Variants in LPGAT1 observed in about 807,000 individuals in gnomAD.
LPGAT1 encodes the protein acyl-CoA:lysophosphatidylglycerol acyltransferase 1.
A neutral mutation model predicts 47.5 loss-of-function variants in LPGAT1; 11 were observed. The ratio of observed to expected loss-of-function variants is 0.23; its 90% CI spans 0.15 to 0.38. The LOEUF (loss-of-function observed/expected upper bound fraction) is 0.38, where lower values mean the gene tolerates loss of function less well. Among genes scored for constraint, LPGAT1 ranks in the 10% least tolerant of loss-of-function variants. The pLI, the probability that LPGAT1 is intolerant of heterozygous loss-of-function variation, is 1.00. For synonymous variants in LPGAT1, 138 were observed against 144.2 expected, an observed-to-expected ratio of 0.96 and a Z score of 0.31; for missense variants, 293 against 439.0, an observed-to-expected ratio of 0.67 and a Z score of 2.97.
rs1331290317 is a variant in LPGAT1, at chr1:211,745,437, T to G, written c.*4462A>C. ...ATAGACTCCTTACACGTAAAGAATT[T>G]GTGCATCACAGTCATGTGTTCAACA... On this transcript the variant is annotated 3_prime_UTR_variant, in exon 8 of 8. Transcript: ENST00000366997. 1 of 152,232 alleles carries G rather than the reference T, an allele frequency of 6.6e-6. No individual in the cohort carries two copies. Among genetic ancestry groups the G allele is most frequent in the Non-Finnish European group, 1.5e-5 (1 of 68,032 alleles). 9.4% of individuals were successfully genotyped at this position (152,232 alleles called of 1,614,324 possible).
At chr1:211,819,613 G>C (rs1660296290) in intron 2 of LPGAT1, among the ~76,000 whole-genome samples, 2 of 152,188 alleles carry the variant, frequency 1.3e-5, no homozygotes. Flanking sequence ...GCAGCTTATA[G>C]GGCAAGACAG....
intron 6 of LPGAT1, among the ~76,000 whole-genome samples, chr1:211,754,168 A>T (rs1025143054): frequency 6.6e-5 from 10 of 152,108 alleles, no homozygotes. Flanking sequence ...TAAGCCTCCA[A>T]TGTTTGCCAG....
chr1:211,774,130 G>GTTTTTTTTTTTT (rs1158580879), intron 6 of LPGAT1, among the ~76,000 whole-genome samples: 19 of 14,648 alleles, frequency 1.3e-3, no homozygotes, highest in Admixed American at 2.6e-3. Context: ...TTTTTTAAAA[G>GTTTTTTTTTTTT]TCTTTTTTTT....
chr1:211,829,542 A>G (rs1660653192), intron 1 of LPGAT1: 2 of 1,396,102 alleles, frequency 1.4e-6, no homozygotes, highest in Non-Finnish European at 1.9e-6. Flanking sequence ...CCGAGGCACG[A>G]AGTATGTCAC....
At position 211,756,292 on chromosome 1, in the gene LPGAT1, T is replaced by C. The variant is rs559982371; in HGVS notation, c.855-5225A>G. ...CCTATCATCCCTTATTATTACAACT[T>C]GAATTTACCATTGTTCTGAATAAGC... On this transcript the variant is annotated intron_variant, in intron 6 of 7. Transcript: ENST00000366997. Among the ~76,000 whole-genome samples the C allele has an allele frequency of 8.5e-5, 13 of 152,242 alleles. No homozygotes were observed. The South Asian group carries it at 1.5e-3, about 17-fold the overall frequency.
At chr1:211,814,159 C>T (rs1660092487) in intron 2 of LPGAT1, among the ~76,000 whole-genome samples, 1 of 152,184 alleles carries the variant, frequency 6.6e-6, no homozygotes, top group Non-Finnish European at 1.5e-5. Flanking sequence ...TTACAAGACA[C>T]ATTATTTATT....
chr1:211,774,132 C>CTGTTTTTTTTTTTTT (rs1658289818), intron 6 of LPGAT1, among the ~76,000 whole-genome samples: 2 of 66,818 alleles, frequency 3.0e-5, no homozygotes, highest in East Asian at 6.2e-4. Flanking sequence ...TTTTAAAAGT[C>CTGTTTTTTTTTTTTT]TTTTTTTTTT....
chr1:211,830,368 C>G lies in LPGAT1; in HGVS notation c.-28+205G>C, dbSNP rs953744830. The G allele has an allele frequency of 8.6e-6, 10 of 1,161,790 alleles. No individual in the cohort carries two copies. The highest frequency in any genetic ancestry group is 3.2e-5 in the African/African-American group (2 of 61,766). 72.0% of individuals were successfully genotyped at this position (1,161,790 alleles called of 1,614,324 possible). On this transcript the variant is annotated intron_variant, in intron 1 of 7. Coordinates refer to ENST00000366997, the MANE Select transcript of LPGAT1 (RefSeq NM_014873.3). The surrounding 1 kb of genome is among the most constrained non-coding windows in gnomAD (Gnocchi z 5.9). Reference sequence around the variant, plus strand: ...GGACGGCGGGGACTCAGAGGCCGGACCTGTCACCCGGGCGGGTCCCGGGGA... The same window carrying G: ...GGACGGCGGGGACTCAGAGGCCGGAGCTGTCACCCGGGCGGGTCCCGGGGA...
chr1:211,750,303 T>C (rs955359130), intron 7 of LPGAT1, among the ~76,000 whole-genome samples: 1 of 152,226 alleles, frequency 6.6e-6, no homozygotes, highest in East Asian at 1.9e-4. Context: ...CTCATGTGCA[T>C]CCTTTCCATA....
intron 6 of LPGAT1, among the ~76,000 whole-genome samples, chr1:211,762,059 G>A (rs555097030): frequency 1.3e-4 from 20 of 152,310 alleles, no homozygotes; most frequent in African/African-American, 4.8e-4. Context: ...CTTGCAGTAT[G>A]TAATTACTTT....
chr1:211,769,464 T>G (rs1658072517), intron 6 of LPGAT1, among the ~76,000 whole-genome samples: 1 of 152,142 alleles, frequency 6.6e-6, no homozygotes. Context: ...AAAGGGGTCC[T>G]GATCCAGCCC....
At chr1:211,813,734 G>A (rs1462536692) in intron 2 of LPGAT1, among the ~76,000 whole-genome samples, 1 of 152,202 alleles carries the variant, frequency 6.6e-6, no homozygotes, top group Non-Finnish European at 1.5e-5. Context: ...GATTGCAAAT[G>A]TTCATCTGTA....
chr1:211,826,066 T>TA (rs1399286103), intron 2 of LPGAT1, among the ~76,000 whole-genome samples: 1 of 152,120 alleles, frequency 6.6e-6, no homozygotes, highest in Non-Finnish European at 1.5e-5. Flanking sequence ...ATGTGTAACT[T>TA]AAAGTCAGAA....
At chr1:211,828,282 A>T (rs2102615171) in intron 2 of LPGAT1, among the ~76,000 whole-genome samples, 1 of 152,368 alleles carries the variant, frequency 6.6e-6, no homozygotes, top group Middle Eastern at 3.4e-3. Flanking sequence ...GAAAAAAATC[A>T]AATAAATACA....
chr1:211,793,005 C>T (rs1045282735), intron 3 of LPGAT1, 67 bp downstream of exon 3: 15 of 1,116,912 alleles, frequency 1.3e-5, no homozygotes, highest in South Asian at 7.4e-5. Flanking sequence ...CCACCATGCC[C>T]GGCCAAATGG....
chr1:211,811,705 C>G (rs1553312898), intron 2 of LPGAT1, among the ~76,000 whole-genome samples: 1 of 151,698 alleles, frequency 6.6e-6, no homozygotes, highest in Non-Finnish European at 1.5e-5. Context: ...TGCAGTGTGC[C>G]AAGATCCTGC....
chr1:211,759,296 C>G (rs1657590697), intron 6 of LPGAT1, among the ~76,000 whole-genome samples: 1 of 148,988 alleles, frequency 6.7e-6, no homozygotes, highest in Non-Finnish European at 1.5e-5. Flanking sequence ...CGGGGTCTTG[C>G]TGTTGTTGCC....
In LPGAT1 at chr1:211,794,229, CA is replaced by C. The variant is rs562944731; in HGVS notation, c.239-1040del. On this transcript the variant is annotated intron_variant, in intron 2 of 7. Transcript: ENST00000366997. ...GTTATCAGATGAAAAGTCACTGCGC[CA>C]AAATCTATACGTACATTCTAAGGGA... Among the ~76,000 whole-genome samples, 287 of 152,256 alleles carry C rather than the reference CA, an allele frequency of 1.9e-3. 1 individual carries two copies. The highest frequency in any genetic ancestry group is 2.6e-3 in the Non-Finnish European group (177 of 68,016).
chr1:211,772,956 C>T (rs1290148487), intron 6 of LPGAT1, among the ~76,000 whole-genome samples: 4 of 152,032 alleles, frequency 2.6e-5, no homozygotes, highest in Non-Finnish European at 1.5e-5. Flanking sequence ...AAATATTATT[C>T]TCTGTTTTTA....
Sources: gnomAD v4.1 joint callset for allele counts (sites outside exome capture counted in the v4.1 genomes callset) on GRCh38, gnomAD v4.1.1 for gene constraint, Gnocchi (gnomAD v3.1) non-coding constraint, MANE v1.5 for transcripts, NCBI Gene and HGNC (gene_info 2026-07-23, HGNC 2026-07-21) for gene names.